Variants in CTNND2 observed in about 807,000 individuals in gnomAD.
The protein encoded by CTNND2 is catenin delta 2.
Under a neutral mutation model 144.4 loss-of-function variants are expected in CTNND2, and 22 were observed. The ratio of observed to expected loss-of-function variants is 0.15; its 90% CI spans 0.11 to 0.22. The LOEUF is 0.22. Ranked by LOEUF, CTNND2 falls within the 10% of genes least tolerant of loss-of-function variation. The pLI, the probability that CTNND2 is intolerant of heterozygous loss-of-function variation, is 1.00. For missense variants in CTNND2, 1,353 were observed against 1,618.8 expected (o/e 0.84, Z 2.82); for synonymous variants, 751 against 695.6 (o/e 1.08, Z -1.25).
In CTNND2 at chr5:11,368,130, A is replaced by G. The variant is rs190951764; in HGVS notation, c.1178-3240T>C. ...TGGCTTACAGGTTAAGGAAGATTTC[A>G]TGATGCAGGAGGACTAAAGGGTATT... On this transcript the variant is annotated intron_variant, in intron 7 of 21. Coordinates refer to ENST00000304623, the MANE Select transcript of CTNND2 (RefSeq NM_001332.4). 2.6e-3 allele frequency among the ~76,000 whole-genome samples: 394 copies of G among 152,288 alleles called. 2 individuals carry two copies. Among genetic ancestry groups the G allele is most frequent in the African/African-American group, 8.4e-3 (349 of 41,566 alleles).
At chr5:11,171,123 A>C (rs1759861871) in intron 11 of CTNND2, among the ~76,000 whole-genome samples, 1 of 152,210 alleles carries the variant, frequency 6.6e-6, no homozygotes, top group African/African-American at 2.4e-5. Flanking sequence ...CTGTTGCTCT[A>C]TCATAATAAT....
chr5:11,274,003 A>G (rs987377737), intron 9 of CTNND2, among the ~76,000 whole-genome samples: 2 of 151,980 alleles, frequency 1.3e-5, no homozygotes, highest in African/African-American at 4.8e-5. Flanking sequence ...TTCGCTTTTC[A>G]TTTTTCCCAT....
At chr5:11,655,705 A>T (rs556107410) in intron 2 of CTNND2, among the ~76,000 whole-genome samples, 1 of 152,214 alleles carries the variant, frequency 6.6e-6, no homozygotes, top group Admixed American at 6.6e-5. Context: ...GATTATTTTC[A>T]TTCAGAGCGT....
At chr5:11,732,111 A>T in intron 2 of CTNND2, 25 bp downstream of exon 2, 1 of 1,600,416 alleles carries the variant, frequency 6.2e-7, no homozygotes. Context: ...CCAAACGCAT[A>T]TCACAAAAAT....
intron 16 of CTNND2, among the ~76,000 whole-genome samples, chr5:11,035,976 G>A (rs980293709): frequency 1.3e-5 from 2 of 152,094 alleles, no homozygotes; most frequent in Non-Finnish European, 1.5e-5. Flanking sequence ...ACATGAGTAG[G>A]GTACAAAAAT....
chr5:11,567,058 A>G (rs1777169484), intron 2 of CTNND2, among the ~76,000 whole-genome samples: 1 of 152,146 alleles, frequency 6.6e-6, no homozygotes. Flanking sequence ...TTGCTCTGTC[A>G]TCCTCTTGTT....
chr5:11,747,264 A>G (rs539059230), intron 1 of CTNND2, among the ~76,000 whole-genome samples: 1 of 152,258 alleles, frequency 6.6e-6, no homozygotes, highest in Admixed American at 6.5e-5. Flanking sequence ...AAAATTACAG[A>G]CCCATCAAAC....
intron 2 of CTNND2, among the ~76,000 whole-genome samples, chr5:11,632,760 A>G (rs1474612819): frequency 6.6e-6 from 1 of 152,180 alleles, no homozygotes; most frequent in Admixed American, 6.6e-5. Flanking sequence ...GGAATATATT[A>G]TGATGACTCA....
intron 14 of CTNND2, among the ~76,000 whole-genome samples, chr5:11,100,640 A>G (rs529002191): frequency 1.3e-5 from 2 of 152,346 alleles, no homozygotes; most frequent in African/African-American, 4.8e-5. Context: ...TAGAGTAACA[A>G]GAAATGGCAA....
At chr5:11,158,318 T>C (rs1445197540) in intron 12 of CTNND2, among the ~76,000 whole-genome samples, 1 of 152,228 alleles carries the variant, frequency 6.6e-6, no homozygotes, top group South Asian at 2.1e-4. Context: ...GTTATATTTC[T>C]TCTGGTGGGA....
rs553465716 is a variant in CTNND2, at chr5:11,832,153, G to A, written c.37+71664C>T. ...CAAAAAATTAGCCGGGCATGGTGGC[G>A]GGCGCCTGTAGTCCCAGCTACTTGG... On this transcript the variant is annotated intron_variant, in intron 1 of 21. Transcript: ENST00000304623. Among the ~76,000 whole-genome samples, 10 of 152,070 alleles carry A rather than the reference G, an allele frequency of 6.6e-5. No homozygotes were observed. In the East Asian group the frequency reaches 7.8e-4, roughly 12 times the overall value.
At chr5:11,173,981 C>T (rs1466489108) in intron 11 of CTNND2, among the ~76,000 whole-genome samples, 2 of 152,092 alleles carry the variant, frequency 1.3e-5, no homozygotes, top group Admixed American at 6.5e-5. Context: ...CTTCAGAACC[C>T]TAAGGGAGAA....
chr5:11,289,497 A>G lies in CTNND2; in HGVS notation c.1629-52674T>C, dbSNP rs1485915747. 3.9e-5 allele frequency among the ~76,000 whole-genome samples: 6 copies of G among 152,052 alleles called. No individual in the cohort carries two copies. The East Asian group carries it at 1.2e-3, about 29-fold the overall frequency. ...TTCTTAGTATGCTCACAAAAGAGCA[A>G]CTCCTCGCCTTCAAAATAGTCCTCT... On this transcript the variant is annotated intron_variant, in intron 9 of 21. Transcript: ENST00000304623.
chr5:11,414,741 C>T (rs569971195), intron 3 of CTNND2, among the ~76,000 whole-genome samples: 1 of 152,254 alleles, frequency 6.6e-6, no homozygotes, highest in South Asian at 2.1e-4. Context: ...TCTGCTTCTC[C>T]ACCTCCTCCC....
chr5:11,344,047 C>G (rs915674912), intron 9 of CTNND2, among the ~76,000 whole-genome samples: 1 of 152,162 alleles, frequency 6.6e-6, no homozygotes, highest in Non-Finnish European at 1.5e-5. Context: ...ATGCAAAAAT[C>G]TTGTCTTAAA....
At chr5:11,520,813 A>G (rs1772656960) in intron 3 of CTNND2, among the ~76,000 whole-genome samples, 1 of 152,208 alleles carries the variant, frequency 6.6e-6, no homozygotes, top group South Asian at 2.1e-4. Flanking sequence ...TTCAACAACC[A>G]TATGCCAGAG....
At chr5:11,751,010 C>T (rs1788581366) in intron 1 of CTNND2, among the ~76,000 whole-genome samples, 1 of 151,762 alleles carries the variant, frequency 6.6e-6, no homozygotes. Context: ...AGACACTCAC[C>T]TGTCCGGGGT....
chr5:11,228,568 C>T (rs535957754), intron 10 of CTNND2, among the ~76,000 whole-genome samples: 5 of 151,516 alleles, frequency 3.3e-5, no homozygotes, highest in African/African-American at 1.2e-4. Flanking sequence ...TTACTACAGC[C>T]TCGTCCTCCC....
At chr5:11,271,484 T>TA (rs1188120342) in intron 9 of CTNND2, among the ~76,000 whole-genome samples, 12 of 152,172 alleles carry the variant, frequency 7.9e-5, no homozygotes, top group Non-Finnish European at 1.6e-4. Context: ...GTTTATTGGG[T>TA]ATTTCCTTTC....
Sources: gnomAD v4.1 joint callset for allele counts (sites outside exome capture counted in the v4.1 genomes callset) on GRCh38, gnomAD v4.1.1 for gene constraint, MANE v1.5 for transcripts, NCBI Gene and HGNC (gene_info 2026-07-23, HGNC 2026-07-21) for gene names.